NCOA3: variants seen among roughly 807,000 people sequenced by gnomAD.
NCOA3 encodes nuclear receptor coactivator 3, also known as CBP-interacting protein.
Under a neutral mutation model 158.8 loss-of-function variants are expected in NCOA3, and 51 were observed. The ratio of observed to expected loss-of-function variants is 0.32; its 90% CI spans 0.26 to 0.41. The LOEUF is 0.41. NCOA3 is among the 10% of genes least tolerant of loss of function. The probability of loss-of-function intolerance (pLI) is 1.00; values close to 1 mark genes in which losing one functional copy is unlikely to be tolerated. For missense variants in NCOA3, 1,510 were observed against 1,746.6 expected, an observed-to-expected ratio of 0.86 and a Z score of 2.41; for synonymous variants, 537 against 592.4, an observed-to-expected ratio of 0.91 and a Z score of 1.36.
intron 1 of NCOA3, among the ~76,000 whole-genome samples, chr20:47,574,839 T>G (rs1000306339): frequency 2.0e-5 from 3 of 152,252 alleles, no homozygotes; most frequent in Non-Finnish European, 4.4e-5. Flanking sequence ...ACACAATGTC[T>G]GGCATTAAAT....
chr20:47,611,867 A>G (rs1183609402), intron 2 of NCOA3, among the ~76,000 whole-genome samples: 2 of 151,096 alleles, frequency 1.3e-5, no homozygotes, highest in African/African-American at 4.9e-5. Flanking sequence ...CCCTTCACCC[A>G]GGCTGGAGTG....
chr20:47,656,868 TA>T lies in NCOA3; in HGVS notation c.*3455del, dbSNP rs1364900021. The T allele has an allele frequency of 1.3e-5, 2 of 149,106 alleles. No individual in the cohort carries two copies. Among genetic ancestry groups the T allele is most frequent in the Non-Finnish European group, 3.0e-5 (2 of 67,566 alleles). The allele number at this position is 149,106 out of a possible 1,614,324, so 9.2% of individuals were successfully genotyped here. On this transcript the variant is annotated 3_prime_UTR_variant, in exon 23 of 23. Coordinates refer to ENST00000371998, the MANE Select transcript of NCOA3 (RefSeq NM_181659.3). Reference sequence around the variant, plus strand: ...GTCATTGTAAATAAAGGTTTCTATTTAAAATTGGAGCCTAAAGAGTTTTTTT... The same window carrying T: ...GTCATTGTAAATAAAGGTTTCTATTTAAATTGGAGCCTAAAGAGTTTTTTT...
intron 2 of NCOA3, among the ~76,000 whole-genome samples, chr20:47,612,579 T>G (rs572339571): frequency 6.6e-6 from 1 of 152,334 alleles, no homozygotes; most frequent in South Asian, 2.1e-4. Context: ...TAAAAACTTT[T>G]AGTATAAAGA....
chr20:47,503,355 T>A (rs1263979646), intron 1 of NCOA3, among the ~76,000 whole-genome samples: 1 of 152,242 alleles, frequency 6.6e-6, no homozygotes, highest in Non-Finnish European at 1.5e-5. Context: ...CTTGAAAATA[T>A]TTTAAATGTA....
chr20:47,507,911 G>A (rs1397943498), intron 1 of NCOA3, among the ~76,000 whole-genome samples: 2 of 152,208 alleles, frequency 1.3e-5, no homozygotes, highest in Middle Eastern at 3.4e-3. Flanking sequence ...GAGCCACCAC[G>A]CCTGGCCAAC....
chr20:47,613,692 C>A (rs2086080722), intron 2 of NCOA3, among the ~76,000 whole-genome samples: 1 of 152,020 alleles, frequency 6.6e-6, no homozygotes, highest in African/African-American at 2.4e-5. Context: ...GCCGGTGGAT[C>A]ATGAGGTCAG....
intron 19 of NCOA3, among the ~76,000 whole-genome samples, chr20:47,650,586 C>A (rs112910128): frequency 1.3e-4 from 19 of 151,698 alleles, no homozygotes; most frequent in African/African-American, 4.6e-4. Flanking sequence ...ATGTTTTGGC[C>A]GGCACAGTGG....
intron 8 of NCOA3, among the ~76,000 whole-genome samples, chr20:47,631,823 T>G (rs992595399): frequency 6.6e-6 from 1 of 152,218 alleles, no homozygotes; most frequent in Non-Finnish European, 1.5e-5. Context: ...ACATGTATAT[T>G]CAGTACATTC....
At chr20:47,513,822 A>G (rs1311049627) in intron 1 of NCOA3, among the ~76,000 whole-genome samples, 1 of 152,070 alleles carries the variant, frequency 6.6e-6, no homozygotes, top group African/African-American at 2.4e-5. Context: ...AGTGCAAAGC[A>G]GGGCTCTTGA....
At position 47,634,023 on chromosome 20, in the gene NCOA3, A is replaced by G. The variant is rs763783459; in HGVS notation, c.965-25A>G. 2.5e-6 allele frequency: 4 copies of G among 1,613,474 alleles called. No homozygotes were observed. The South Asian group carries it at 3.3e-5, about 13-fold the overall frequency. On this transcript the variant is annotated intron_variant, in intron 9 of 22. Coordinates refer to ENST00000371998, the MANE Select transcript of NCOA3 (RefSeq NM_181659.3). The stretch of plus-strand genomic sequence containing the variant: ...ATTTGTTTTGCTGACTGTAGTTACC[A>G]GTGATGGGATATTTTCCCCAACAGC...
intron 1 of NCOA3, among the ~76,000 whole-genome samples, chr20:47,520,109 A>T (rs2084304072): frequency 6.7e-6 from 1 of 148,574 alleles, no homozygotes; most frequent in African/African-American, 2.5e-5. Flanking sequence ...ACAGGTTGTC[A>T]GTGGCCTCAG....
Position 47,636,457 on chromosome 20 carries a change from A to C in NCOA3, c.2071A>C (p.Asn691His). ...KHRILHKLLQNGNSPAEVAKI... is the reference protein window; with the variant it reads ...KHRILHKLLQHGNSPAEVAKI... ...CCGGATTTTGCACAAGTTGCTGCAG[A>C]ATGGGAATTCACCAGCTGAGGTAGC... Residue 691 changes from asparagine to histidine, a missense_variant, in exon 12 of 23, where the codon AAT (asparagine) becomes CAT (histidine). Physicochemically the swap from Asn to His is moderately conservative, Grantham distance 68. Transcript: ENST00000371998. The C allele has an allele frequency of 6.2e-7, 1 of 1,614,138 alleles. No individual in the cohort carries two copies. The highest frequency in any genetic ancestry group is 1.1e-5 in the South Asian group (1 of 91,082).
chr20:47,648,254 A>C (rs903087893), intron 18 of NCOA3, among the ~76,000 whole-genome samples: 7 of 151,990 alleles, frequency 4.6e-5, no homozygotes, highest in African/African-American at 1.7e-4. Flanking sequence ...TTGCATAAAT[A>C]TTGTTAAAAG....
At position 47,550,909 on chromosome 20, in the gene NCOA3, C is replaced by T. The variant is rs79703128; in HGVS notation, c.-98-32274C>T. On this transcript the variant is annotated intron_variant, in intron 1 of 22. Transcript: ENST00000371998. Reference sequence around the variant, plus strand: ...AATATGTTTATGTTTTGAACAATTACATCCTAATAATGATCATAGTAACTC... The same window carrying T: ...AATATGTTTATGTTTTGAACAATTATATCCTAATAATGATCATAGTAACTC... Among the ~76,000 whole-genome samples the T allele has an allele frequency of 3.4e-3, 523 of 152,216 alleles. 5 individuals are homozygous for T. The highest frequency in any genetic ancestry group is 0.011 in the African/African-American group (462 of 41,534).
chr20:47,649,153 G>A lies in NCOA3; in HGVS notation c.3651+44G>A, dbSNP rs2086740409. Reference sequence around the variant, plus strand: ...TCCACATGCATTGCTCTGTGCTCAGGACAGGGCTTGGCCTGTGGTTGGCTC... The same window carrying A: ...TCCACATGCATTGCTCTGTGCTCAGAACAGGGCTTGGCCTGTGGTTGGCTC... On this transcript the variant is annotated intron_variant, in intron 19 of 22. Transcript: ENST00000371998. 4 of 1,290,862 alleles carry A rather than the reference G, an allele frequency of 3.1e-6. 1 individual carries two copies. The South Asian group carries it at 5.2e-5, about 17-fold the overall frequency. The allele number at this position is 1,290,862 out of a possible 1,614,324, so 80.0% of individuals were successfully genotyped here. A position where few individuals can be genotyped will look rare whatever the true frequency, so the allele number is the denominator to read the frequency against.
At position 47,570,027 on chromosome 20, in the gene NCOA3, A is replaced by G. The variant is rs562880267; in HGVS notation, c.-98-13156A>G. Among the ~76,000 whole-genome samples, 28 of 152,256 alleles carry G rather than the reference A, an allele frequency of 1.8e-4. No homozygotes were observed. The South Asian group carries it at 5.4e-3, about 29-fold the overall frequency. The stretch of plus-strand genomic sequence containing the variant: ...TCCGTCTCAAAAAAAACAACAAAAA[A>G]AAAACCCTGCGGCTCCTTTAAGAAC... On this transcript the variant is annotated intron_variant, in intron 1 of 22. Transcript: ENST00000371998.
intron 18 of NCOA3, among the ~76,000 whole-genome samples, chr20:47,647,898 T>G (rs1464140735): frequency 4.3e-5 from 4 of 93,934 alleles, no homozygotes; most frequent in East Asian, 8.7e-4. Flanking sequence ...TTTTTTTTTG[T>G]TTGTTTGTTT....
intron 1 of NCOA3, among the ~76,000 whole-genome samples, chr20:47,503,687 C>G (rs1319409421): frequency 6.6e-6 from 1 of 152,174 alleles, no homozygotes; most frequent in East Asian, 1.9e-4. Flanking sequence ...CTTATGTCAC[C>G]TTATCTATTA....
At chr20:47,514,259 G>A (rs939756099) in intron 1 of NCOA3, among the ~76,000 whole-genome samples, 1 of 150,362 alleles carries the variant, frequency 6.7e-6, no homozygotes, top group East Asian at 1.9e-4. Context: ...ATAAAGTAGA[G>A]GCAGAGATGG....
Sources: allele counts gnomAD v4.1 joint callset (sites outside exome capture counted in the v4.1 genomes callset), GRCh38; gene constraint gnomAD v4.1.1; transcripts MANE v1.5; gene names NCBI Gene and HGNC (gene_info 2026-07-23, HGNC 2026-07-21).